Variants in TJP2 observed in about 807,000 individuals in gnomAD.
The protein encoded by TJP2 is Friedreich ataxia region gene X104 (tight junction protein ZO-2).
TJP2 carries 91 observed loss-of-function variants against 133.1 expected under a neutral mutation model. That is an observed-to-expected ratio of 0.68 (90% confidence interval 0.58 to 0.81). The LOEUF (loss-of-function observed/expected upper bound fraction) is 0.81. Ranked by LOEUF, TJP2 falls within the 40% of genes least tolerant of loss-of-function variation. The pLI is 0.00. For missense variants in TJP2, 1,541 were observed against 1,565.6 expected (o/e 0.98, Z 0.26); for synonymous variants, 592 against 583.4 (o/e 1.01, Z -0.21).
At chr9:69,146,944 T>C (rs1564379882) in intron 1 of TJP2, among the ~76,000 whole-genome samples, 1 of 152,218 alleles carries the variant, frequency 6.6e-6, no homozygotes, top group Non-Finnish European at 1.5e-5. Context: ...AAAAAATAAA[T>C]ATTTCTTTGG....
At chr9:69,160,546 T>C (rs897760994) in intron 2 of TJP2, among the ~76,000 whole-genome samples, 2 of 152,208 alleles carry the variant, frequency 1.3e-5, no homozygotes, top group Non-Finnish European at 2.9e-5. Context: ...CCAGAGAGCA[T>C]GGGACAGAAA....
At chr9:69,151,521 C>A in intron 1 of TJP2, 2 of 857,728 alleles carry the variant, frequency 2.3e-6, no homozygotes, top group Non-Finnish European at 3.1e-6. Flanking sequence ...TTGCATAACT[C>A]TGTGAAGGTA....
At chr9:69,184,155 G>A (rs938147046) in intron 1 of TJP2, among the ~76,000 whole-genome samples, 5 of 152,122 alleles carry the variant, frequency 3.3e-5, no homozygotes, top group South Asian at 4.1e-4. Flanking sequence ...TTGTAAAATA[G>A]GCCTACCCTA....
At chr9:69,142,680 G>A (rs1823064180) in intron 1 of TJP2, among the ~76,000 whole-genome samples, 1 of 152,102 alleles carries the variant, frequency 6.6e-6, no homozygotes, top group Admixed American at 6.6e-5. Context: ...GAAGAAGCAT[G>A]GCCACTGTCT....
At chr9:69,157,468 T>TG (rs1823828050) in intron 2 of TJP2, among the ~76,000 whole-genome samples, 1 of 127,980 alleles carries the variant, frequency 7.8e-6, no homozygotes, top group East Asian at 2.0e-4. Context: ...TCTGCAGAGT[T>TG]GGTTTTTTTT....
chr9:69,234,398 C>CTTTCTTTCTTTCTTTTTTTT, intron 11 of TJP2, 41 bp from the exon 12 acceptor site: 1 of 982,288 alleles, frequency 1.0e-6, no homozygotes, highest in South Asian at 1.6e-5. Flanking sequence ...TTCTTTCTTT[C>CTTTCTTTCTTTCTTTTTTTT]TTTTTTTTTT....
rs370403093 is a variant in TJP2, at chr9:69,252,934, G to A, written c.3407+34G>A. On this transcript the variant is annotated intron_variant, in intron 22 of 22. Transcript: ENST00000377245. The stretch of plus-strand genomic sequence containing the variant: ...TGCCTAGTGGGTACAGGTCTAAGGC[G>A]GGGACTTCTCAAGGACTGGGACTTG... 1.5e-3 allele frequency: 2,367 copies of A among 1,598,992 alleles called. 4 individuals carry two copies. The highest frequency in any genetic ancestry group is 1.9e-3 in the Non-Finnish European group (2,188 of 1,166,760).
intron 3 of TJP2, 67 bp downstream of exon 3, chr9:69,216,530 G>C: frequency 6.4e-7 from 1 of 1,559,446 alleles, no homozygotes; most frequent in Non-Finnish European, 8.8e-7. Flanking sequence ...GGGGTATTTT[G>C]GTTGGTGTCC....
chr9:69,236,280 C>G, intron 13 of TJP2, 42 bp downstream of exon 13: 1 of 1,604,604 alleles, frequency 6.2e-7, no homozygotes, highest in Non-Finnish European at 8.5e-7. Context: ...TTAATCCTTC[C>G]CCCTGCAGAA....
Position 69,246,515 on chromosome 9 carries a change from G to A in TJP2, c.2567-175G>A, listed in dbSNP as rs186059046. On this transcript the variant is annotated intron_variant, in intron 17 of 22. Transcript: ENST00000377245. ...GTGAACTCAAACAGCTACATGATTA[G>A]TAGTTTTAATTGCATTCATTAAAAG... The A allele has an allele frequency of 7.6e-6, 5 of 653,848 alleles. No homozygotes were observed. In the Admixed American group the frequency reaches 8.7e-5, roughly 11 times the overall value. The allele number at this position is 653,848 out of a possible 1,614,324, so 40.5% of individuals were successfully genotyped here. A position where few individuals can be genotyped will look rare whatever the true frequency, so the allele number is the denominator to read the frequency against.
intron 1 of TJP2, among the ~76,000 whole-genome samples, chr9:69,135,710 A>C (rs1051047644): frequency 4.6e-5 from 7 of 152,052 alleles, no homozygotes; most frequent in African/African-American, 1.7e-4. Flanking sequence ...GGTTCAAGCA[A>C]TTCTCCTGCC....
At chr9:69,177,333 C>T (rs1285831639) in intron 1 of TJP2, among the ~76,000 whole-genome samples, 1 of 152,134 alleles carries the variant, frequency 6.6e-6, no homozygotes, top group Non-Finnish European at 1.5e-5. Context: ...GATCCTAAAT[C>T]CAAGGGTTAG....
chr9:69,145,968 G>T (rs4421408), intron 1 of TJP2: 179,813 of 409,076 alleles, frequency 0.44, 40,989 homozygotes, highest in East Asian at 0.67. Context: ...GTGGAGAATG[G>T]AACTCCTAGA....
chr9:69,183,300 A>G (rs1447886064), intron 1 of TJP2, among the ~76,000 whole-genome samples: 1 of 152,154 alleles, frequency 6.6e-6, no homozygotes, highest in African/African-American at 2.4e-5. Flanking sequence ...AGAATTTTCC[A>G]TCACTCTGGA....
rs1215110343 is a variant in TJP2, at chr9:69,125,316, T to C, written c.-131+3591T>C. On this transcript the variant is annotated intron_variant, in intron 1 of 5. Transcript: ENST00000423935. Reference sequence around the variant, plus strand: ...GCACCCTGAGTGATTTTTTTTTTTTTTTTTTTTTGAGATAGAGTCTAACTC... The same window carrying C: ...GCACCCTGAGTGATTTTTTTTTTTTCTTTTTTTTGAGATAGAGTCTAACTC... Among the ~76,000 whole-genome samples, 246 of 64,030 alleles carry C rather than the reference T, an allele frequency of 3.8e-3. 90 individuals carry two copies. Among genetic ancestry groups the C allele is most frequent in the African/African-American group, 0.012 (237 of 20,486 alleles). The allele number at this position is 64,030 out of a possible 152,430, so 42.0% of individuals were successfully genotyped here.
intron 1 of TJP2, among the ~76,000 whole-genome samples, chr9:69,123,760 A>G (rs1269869917): frequency 1.3e-5 from 1 of 78,050 alleles, no homozygotes; most frequent in Non-Finnish European, 3.0e-5. Context: ...TTAACTAGGC[A>G]TAGATGCTTG....
rs1449779747 is a variant in TJP2 at position 69,225,299 on chromosome 9, C to T, written c.953-5C>T. On this transcript the variant is annotated splice_polypyrimidine_tract_variant and splice_region_variant and intron_variant, in intron 5 of 22. Coordinates refer to ENST00000377245, the MANE Select transcript of TJP2 (RefSeq NM_004817.4). ...TACGTGTATGTTTATGTGTTTGTCT[C>T]CTAGAGTATGGTCTCCGGCTTGGGA... is the stretch of plus-strand genomic sequence containing the variant. 1 of 1,601,676 alleles carries T rather than the reference C, an allele frequency of 6.2e-7. No individual in the cohort carries two copies. The highest frequency in any genetic ancestry group is 2.2e-5 in the East Asian group (1 of 44,818).
At position 69,195,735 on chromosome 9, in the gene TJP2, A is replaced by G. The variant is rs937475834; in HGVS notation, c.61-16813A>G. Among the ~76,000 whole-genome samples the G allele has an allele frequency of 5.3e-5, 8 of 152,196 alleles. No individual in the cohort carries two copies. In the South Asian group the frequency reaches 1.7e-3, roughly 32 times the overall value. ...CGTAGGCATTAGGGAGCTTGTGCAT[A>G]TATACCAAAGCTGACTGTTCAAACA... is the stretch of plus-strand genomic sequence containing the variant. On this transcript the variant is annotated intron_variant, in intron 1 of 22. Coordinates refer to ENST00000377245, the MANE Select transcript of TJP2 (RefSeq NM_004817.4).
At chr9:69,189,654 T>A (rs1257810278) in intron 1 of TJP2, among the ~76,000 whole-genome samples, 1 of 18,070 alleles carries the variant, frequency 5.5e-5, no homozygotes, top group African/African-American at 1.4e-4. Context: ...TTTTTAAGTT[T>A]AAAAAAGTTA....
Sources: gnomAD v4.1 joint callset for allele counts (sites outside exome capture counted in the v4.1 genomes callset) on GRCh38, gnomAD v4.1.1 for gene constraint, MANE v1.5 for transcripts, NCBI Gene and HGNC (gene_info 2026-07-23, HGNC 2026-07-21) for gene names.